LRRC37A2: variants seen among roughly 807,000 people sequenced by gnomAD.
LRRC37A2 encodes leucine-rich repeat-containing protein 37A2.
Under a neutral mutation model 68.8 loss-of-function variants are expected in LRRC37A2, and 9 were observed. That is an observed-to-expected ratio of 0.13 (90% CI 0.08 to 0.23). The LOEUF (loss-of-function observed/expected upper bound fraction) is 0.23. Ranked by LOEUF, LRRC37A2 falls within the 10% of genes least tolerant of loss-of-function variation. The pLI is 1.00. For missense variants in LRRC37A2, 168 were observed against 950.4 expected (o/e 0.18, Z 10.82); for synonymous variants, 63 against 367.6 (o/e 0.17, Z 9.48).
At chr17:46,622,224 G>A in the LRRC37A2 span, among the ~76,000 whole-genome samples, 3 of 144,052 alleles carry the variant, frequency 2.1e-5, no homozygotes, top group Non-Finnish European at 4.5e-5. Flanking sequence ...TTGGGAGACC[G>A]AGGTGGGTGG....
the LRRC37A2 span, chr17:47,027,446 G>C: frequency 6.6e-6 from 4 of 604,396 alleles, no homozygotes; most frequent in East Asian, 3.0e-5. Flanking sequence ...CAAACGTTTA[G>C]AGTTGAGATA....
intron 12 of LRRC37A2, chr17:46,554,043 A>C (rs1224805709): frequency 3.0e-6 from 3 of 994,056 alleles, no homozygotes; most frequent in East Asian, 1.1e-4. Context: ...TTTCTCTTTT[A>C]TTTCTTTTTT....
At chr17:46,729,238 G>A in the LRRC37A2 span, among the ~76,000 whole-genome samples, 2 of 152,076 alleles carry the variant, frequency 1.3e-5, no homozygotes, top group Non-Finnish European at 2.9e-5. Flanking sequence ...ACCTCCAACT[G>A]CCAAGGGAGA....
chr17:46,883,601 T>C, the LRRC37A2 span, among the ~76,000 whole-genome samples: 3 of 152,182 alleles, frequency 2.0e-5, no homozygotes, highest in African/African-American at 7.2e-5. Context: ...CCCCATTTTA[T>C]AGATGAGGAA....
chr17:47,000,870 C>A, the LRRC37A2 span, among the ~76,000 whole-genome samples: 1 of 152,084 alleles, frequency 6.6e-6, no homozygotes, highest in Non-Finnish European at 1.5e-5. Flanking sequence ...GTAGGACATT[C>A]TTTTAAAAAG....
At chr17:46,950,423 A>T in the LRRC37A2 span, among the ~76,000 whole-genome samples, 2 of 152,218 alleles carry the variant, frequency 1.3e-5, no homozygotes, top group Non-Finnish European at 2.9e-5. Context: ...TGAAGTTGCT[A>T]AGTGTATGAT....
the LRRC37A2 span, among the ~76,000 whole-genome samples, chr17:47,037,430 A>G: frequency 6.6e-6 from 1 of 152,182 alleles, no homozygotes; most frequent in South Asian, 2.1e-4. Context: ...TTTCACTCAA[A>G]AAAACAACAA....
At chr17:46,881,368 C>T in the LRRC37A2 span, among the ~76,000 whole-genome samples, 1 of 152,234 alleles carries the variant, frequency 6.6e-6, no homozygotes, top group Non-Finnish European at 1.5e-5. Context: ...ACAGACACGT[C>T]CACATGCAGC....
At chr17:46,832,468 C>G in the LRRC37A2 span, among the ~76,000 whole-genome samples, 1 of 152,078 alleles carries the variant, frequency 6.6e-6, no homozygotes, top group East Asian at 1.9e-4. Context: ...AGGCCTGTTG[C>G]CAGGAAACGG....
At chr17:46,852,389 AGTGTGTGTGTGTGTGTGTGT>A in the LRRC37A2 span, among the ~76,000 whole-genome samples, 60 of 105,376 alleles carry the variant, frequency 5.7e-4, no homozygotes, top group African/African-American at 1.7e-3. Context: ...GAGAGGGCCC[AGTGTGTGTGTGTGTGTGTGT>A]GTGTGTGTGT....
At chr17:46,997,970 G>GA in the LRRC37A2 span, among the ~76,000 whole-genome samples, 816 of 136,646 alleles carry the variant, frequency 6.0e-3, 8 homozygotes, top group East Asian at 0.036. Flanking sequence ...AACTCCATCT[G>GA]AAAAAAAAAA....
At chr17:46,768,473 G>C in the LRRC37A2 span, 1 of 1,614,178 alleles carries the variant, frequency 6.2e-7, no homozygotes, top group Non-Finnish European at 8.5e-7. The surrounding 1 kb of genome is among the most constrained non-coding windows in gnomAD (Gnocchi z 5.0). Context: ...CATCGATGCC[G>C]TGGGAGGTGA....
At chr17:46,948,298 CA>C in the LRRC37A2 span, among the ~76,000 whole-genome samples, 1 of 152,180 alleles carries the variant, frequency 6.6e-6, no homozygotes, top group Non-Finnish European at 1.5e-5. Flanking sequence ...CAGCCCAGGA[CA>C]TAGAAAGATG....
At chr17:46,836,992 TAGTGC>T in the LRRC37A2 span, among the ~76,000 whole-genome samples, 1 of 152,056 alleles carries the variant, frequency 6.6e-6, no homozygotes, top group South Asian at 2.1e-4. Flanking sequence ...GCCCAGGCTG[TAGTGC>T]AGTGGCGTGA....
At chr17:46,810,652 T>A in the LRRC37A2 span, among the ~76,000 whole-genome samples, 15 of 152,094 alleles carry the variant, frequency 9.9e-5, no homozygotes, top group African/African-American at 2.7e-4. Context: ...TTTAGAGCTC[T>A]GCACCCCCCA....
intron 11 of LRRC37A2, among the ~76,000 whole-genome samples, chr17:46,551,073 C>A (rs1471903937): frequency 6.7e-6 from 1 of 150,076 alleles, no homozygotes; most frequent in African/African-American, 2.5e-5. Flanking sequence ...TTTTTAAGTT[C>A]ACTGGTGAGG....
chr17:46,729,713 C>G, the LRRC37A2 span, among the ~76,000 whole-genome samples: 1 of 152,082 alleles, frequency 6.6e-6, no homozygotes, highest in Non-Finnish European at 1.5e-5. Flanking sequence ...GTATGAGAAT[C>G]TCATATTTAA....
chr17:46,940,818 G>C, the LRRC37A2 span: 1 of 1,470,250 alleles, frequency 6.8e-7, no homozygotes, highest in Non-Finnish European at 9.0e-7. Flanking sequence ...TACCACCTGC[G>C]GCTGGTGGAC....
chr17:47,028,920 T>TATAATC, the LRRC37A2 span, among the ~76,000 whole-genome samples: 1 of 150,750 alleles, frequency 6.6e-6, no homozygotes, highest in Non-Finnish European at 1.5e-5. Flanking sequence ...GGCTCATGCC[T>TATAATC]GTAATCCCAG....
Sources: allele counts gnomAD v4.1 joint callset (sites outside exome capture counted in the v4.1 genomes callset), GRCh38; gene constraint gnomAD v4.1.1; non-coding constraint Gnocchi (gnomAD v3.1); transcripts MANE v1.5; gene names NCBI Gene and HGNC (gene_info 2026-07-23, HGNC 2026-07-21).